Variants in AKAP6 observed in about 807,000 individuals in gnomAD.
AKAP6 encodes A-kinase anchoring protein 6, also known as A-kinase anchor protein 6.
In AKAP6, 58 loss-of-function variants were observed where a neutral mutation model predicts 188.5. The observed-to-expected ratio is 0.31, with a 90% CI of 0.25 to 0.38. The LOEUF (loss-of-function observed/expected upper bound fraction) is 0.38. Among genes scored for constraint, AKAP6 ranks in the 10% least tolerant of loss-of-function variants. The pLI is 1.00. For missense variants in AKAP6, 2,710 were observed against 2,740.0 expected (o/e 0.99, Z 0.24); for synonymous variants, 989 against 998.6 (o/e 0.99, Z 0.18).
chr14:32,445,289 G>A (rs1034747571), intron 2 of AKAP6, among the ~76,000 whole-genome samples: 8 of 152,028 alleles, frequency 5.3e-5, no homozygotes, highest in East Asian at 1.9e-4. Flanking sequence ...ATTGCTGTAC[G>A]TACTCTGAAT....
chr14:32,546,482 C>G lies in AKAP6; in HGVS notation c.1829C>G (p.Ser610Cys). 6.2e-7 allele frequency: 1 copy of G among 1,614,194 alleles called. No homozygotes were observed. ...KHKSKKGQAS[S>C]PSHVTRNGEV... ...AAAAGCAAAAAAGGTCAAGCCTCCT[C>G]TCCAAGTCACGTCACTAGGAATGGT... The change falls in exon 4 of 14, where the codon TCT becomes TGT. Residue 610 changes from serine to cysteine, a missense_variant. Coordinates refer to ENST00000280979, the MANE Select transcript of AKAP6 (RefSeq NM_004274.5).
intron 12 of AKAP6, among the ~76,000 whole-genome samples, chr14:32,800,588 G>A (rs2033919289): frequency 1.3e-5 from 2 of 151,952 alleles, no homozygotes; most frequent in Admixed American, 6.6e-5. Flanking sequence ...CATTGTCCCC[G>A]ATAATTTTCC....
chr14:32,693,432 T>A (rs909245138), intron 8 of AKAP6: 1 of 152,156 alleles, frequency 6.6e-6, no homozygotes, highest in Non-Finnish European at 1.5e-5. Context: ...AGTCTCTTCT[T>A]GGGAGAATGA....
chr14:32,334,761 T>C (rs150155624), intron 1 of AKAP6, among the ~76,000 whole-genome samples: 3 of 152,274 alleles, frequency 2.0e-5, no homozygotes, highest in African/African-American at 4.8e-5. Context: ...CGGTCAGTAA[T>C]TGAATTCCTG....
At position 32,824,374 on chromosome 14, in the gene AKAP6, G is replaced by A; in HGVS notation, c.6561G>A (p.Met2187Ile). The A allele has an allele frequency of 1.9e-6, 3 of 1,613,898 alleles. No individual in the cohort carries two copies. Among genetic ancestry groups the A allele is most frequent in the Non-Finnish European group, 2.5e-6 (3 of 1,179,952 alleles). ...CTGCAGTTCCCAGCGAAGCTGCAAT[G>A]CCACTACAAGCAACAGCATGTTCTT... is the stretch of plus-strand genomic sequence containing the variant. ...NESAVPSEAAMPLQATACSSE... is the reference protein window; with the variant it reads ...NESAVPSEAAIPLQATACSSE... Residue 2187 changes from methionine to isoleucine, a missense_variant, in exon 13 of 14, where the codon ATG (methionine) becomes ATA (isoleucine). By Grantham distance (10) the Met-to-Ile change is conservative (BLOSUM62 1). Coordinates refer to ENST00000280979, the MANE Select transcript of AKAP6 (RefSeq NM_004274.5).
At chr14:32,524,169 T>C (rs1340577942) in intron 2 of AKAP6, among the ~76,000 whole-genome samples, 1 of 146,078 alleles carries the variant, frequency 6.8e-6, no homozygotes, top group African/African-American at 2.5e-5. Flanking sequence ...AAAAAAAAAA[T>C]GGAGAAGAGA....
intron 8 of AKAP6, among the ~76,000 whole-genome samples, chr14:32,694,325 C>A (rs1890305966): frequency 6.8e-6 from 1 of 147,692 alleles, no homozygotes; most frequent in Admixed American, 6.9e-5. Flanking sequence ...TGTGCCACTG[C>A]ACTTCAGCCT....
chr14:32,522,471 A>C (rs1260647289), intron 2 of AKAP6, among the ~76,000 whole-genome samples: 1 of 150,384 alleles, frequency 6.6e-6, no homozygotes. Flanking sequence ...GAATCTACAA[A>C]GAACTTAAAC....
At chr14:32,458,911 T>C (rs985753071) in intron 2 of AKAP6, among the ~76,000 whole-genome samples, 5 of 152,126 alleles carry the variant, frequency 3.3e-5, no homozygotes, top group Non-Finnish European at 4.4e-5. Flanking sequence ...ATGCAACAGA[T>C]ATTAGTTTAA....
intron 7 of AKAP6, among the ~76,000 whole-genome samples, chr14:32,619,184 A>G (rs1255318676): frequency 6.6e-6 from 1 of 151,858 alleles, no homozygotes; most frequent in African/African-American, 2.4e-5. Context: ...CTTTAGTTTA[A>G]TTAGGTTCCA....
chr14:32,462,916 A>AAAAAAAAAAACC (rs1891391004), intron 2 of AKAP6, among the ~76,000 whole-genome samples: 1 of 93,778 alleles, frequency 1.1e-5, no homozygotes, highest in African/African-American at 7.0e-5. Context: ...AAAAAAAAAA[A>AAAAAAAAAAACC]AAAAAAAAAA....
At chr14:32,451,963 A>G (rs1337742467) in intron 2 of AKAP6, among the ~76,000 whole-genome samples, 3 of 150,228 alleles carry the variant, frequency 2.0e-5, no homozygotes, top group South Asian at 2.1e-4. Context: ...TACTTTACCA[A>G]CTATAACTCT....
rs115736427 is a variant in AKAP6, at chr14:32,578,696, C to T, written c.2469+1454C>T. Among the ~76,000 whole-genome samples, 824 of 152,228 alleles carry T rather than the reference C, an allele frequency of 5.4e-3. 10 individuals carry two copies. The highest frequency in any genetic ancestry group is 0.018 in the African/African-American group (767 of 41,546). ...AGTGTGCTGTCTTACTTTCTCTTGA[C>T]TTAATATTTTATGGAAAACACACAT... On this transcript the variant is annotated intron_variant, in intron 5 of 13. Coordinates refer to ENST00000280979, the MANE Select transcript of AKAP6 (RefSeq NM_004274.5).
intron 2 of AKAP6, among the ~76,000 whole-genome samples, chr14:32,478,262 C>A (rs529121515): frequency 6.6e-6 from 1 of 152,176 alleles, no homozygotes; most frequent in Admixed American, 6.5e-5. Flanking sequence ...GCCCACAAGC[C>A]AAGTCCCTGT....
intron 1 of AKAP6, among the ~76,000 whole-genome samples, chr14:32,420,937 T>TGTGTGTG (rs1594596736): frequency 3.5e-5 from 2 of 57,062 alleles, no homozygotes; most frequent in African/African-American, 7.0e-5. Flanking sequence ...GTGTGTGTGT[T>TGTGTGTG]TGTGTGTCTG....
At chr14:32,431,989 C>T (rs1021755830) in intron 1 of AKAP6, among the ~76,000 whole-genome samples, 3 of 152,130 alleles carry the variant, frequency 2.0e-5, no homozygotes, top group East Asian at 1.9e-4. Flanking sequence ...TGGAAAGATA[C>T]ATGTTTCTAG....
chr14:32,756,579 G>A (rs2032341754), intron 11 of AKAP6, among the ~76,000 whole-genome samples: 1 of 152,010 alleles, frequency 6.6e-6, no homozygotes, highest in African/African-American at 2.4e-5. Context: ...GGTACCTGGG[G>A]CTATGGATGC....
At chr14:32,729,889 C>T (rs2031088784) in intron 9 of AKAP6, among the ~76,000 whole-genome samples, 1 of 152,142 alleles carries the variant, frequency 6.6e-6, no homozygotes, top group Non-Finnish European at 1.5e-5. Flanking sequence ...AGCCTCTGCT[C>T]ACTTACTGCT....
At chr14:32,564,171 A>AATGAC (rs1412765023) in intron 4 of AKAP6, among the ~76,000 whole-genome samples, 9 of 152,320 alleles carry the variant, frequency 5.9e-5, no homozygotes, top group African/African-American at 1.9e-4. Context: ...TTTAGAGAAT[A>AATGAC]ATGACAAGAA....
Sources: gnomAD v4.1 joint callset for allele counts (sites outside exome capture counted in the v4.1 genomes callset) on GRCh38, gnomAD v4.1.1 for gene constraint, MANE v1.5 for transcripts, NCBI Gene and HGNC (gene_info 2026-07-23, HGNC 2026-07-21) for gene names.